The following RGL1 variants were observed in gnomAD, a reference collection of about 807,000 sequenced individuals.
The protein encoded by RGL1 is ral guanine nucleotide dissociation stimulator like 1.
RGL1 carries 24 observed loss-of-function variants against 95.2 expected under a neutral mutation model. The observed-to-expected ratio is 0.25, with a 90% CI of 0.18 to 0.35. RGL1 has a LOEUF of 0.35. RGL1 is among the 10% of genes least tolerant of loss of function. The pLI is 1.00. For missense variants in RGL1, 715 were observed against 936.3 expected (o/e 0.76, Z 3.08); for synonymous variants, 329 against 344.9 (o/e 0.95, Z 0.51).
chr1:183,905,112 C>T, intron 13 of RGL1, 141 bp downstream of exon 13: 4 of 998,644 alleles, frequency 4.0e-6, no homozygotes, highest in Non-Finnish European at 5.7e-6. Context: ...TTCAAAGGCG[C>T]ATGGTGTGGC....
Position 183,747,032 on chromosome 1 carries a change from C to T in RGL1, c.132+4743C>T, listed in dbSNP as rs537044661. On this transcript the variant is annotated intron_variant, in intron 2 of 18. Transcript: ENST00000304685. The stretch of plus-strand genomic sequence containing the variant: ...TGTATTCCATGGTGTATATGTGCCA[C>T]ATTTTCTTTTTCCAGTCTACCATTG... Among the ~76,000 whole-genome samples, 6 of 152,240 alleles carry T rather than the reference C, an allele frequency of 3.9e-5. No individual in the cohort carries two copies. In the East Asian group the frequency reaches 9.7e-4, roughly 24 times the overall value.
chr1:183,799,525 C>G (rs1449247747), intron 2 of RGL1, among the ~76,000 whole-genome samples: 1 of 152,106 alleles, frequency 6.6e-6, no homozygotes, highest in Non-Finnish European at 1.5e-5. Context: ...ATATCTCATT[C>G]TGGTTTTGTT....
intron 1 of RGL1, among the ~76,000 whole-genome samples, chr1:183,704,931 C>T (rs1572301215): frequency 6.6e-6 from 1 of 152,142 alleles, no homozygotes; most frequent in Admixed American, 6.5e-5. Flanking sequence ...TAGGCAACAA[C>T]CTGGAAGGTG....
upstream of RGL1, among the ~76,000 whole-genome samples, chr1:183,801,260 G>A (rs1660976530): frequency 6.6e-6 from 1 of 151,860 alleles, no homozygotes; most frequent in African/African-American, 2.4e-5. Flanking sequence ...TAGTGATGTT[G>A]AGCACTTTCT....
At chr1:183,812,984 T>C (rs1419473330) in intron 2 of RGL1, among the ~76,000 whole-genome samples, 1 of 152,106 alleles carries the variant, frequency 6.6e-6, no homozygotes, top group African/African-American at 2.4e-5. Context: ...AGCATAGTCA[T>C]TGAAGAGTTT....
At chr1:183,893,845 T>C (rs755757490) in intron 9 of RGL1, among the ~76,000 whole-genome samples, 2 of 152,214 alleles carry the variant, frequency 1.3e-5, no homozygotes, top group African/African-American at 2.4e-5. Context: ...TCACTTTGTA[T>C]CCCTAATGCC....
At chr1:183,666,170 T>C (rs1478037934) in intron 1 of RGL1, among the ~76,000 whole-genome samples, 1 of 151,968 alleles carries the variant, frequency 6.6e-6, no homozygotes, top group East Asian at 1.9e-4. Flanking sequence ...CACACTCGGC[T>C]AATTTTGTAT....
chr1:183,732,253 G>A (rs1181220373), intron 1 of RGL1, among the ~76,000 whole-genome samples: 1 of 152,086 alleles, frequency 6.6e-6, no homozygotes, highest in Non-Finnish European at 1.5e-5. Context: ...ATGGGAAATA[G>A]CAAGGTCAAT....
intron 1 of RGL1, among the ~76,000 whole-genome samples, chr1:183,658,121 C>T (rs1000738744): frequency 1.3e-5 from 2 of 152,326 alleles, no homozygotes; most frequent in South Asian, 2.1e-4. Context: ...CAGCTCCCAG[C>T]GTGAGCGACG....
intron 1 of RGL1, among the ~76,000 whole-genome samples, chr1:183,737,019 A>G (rs1419030968): frequency 6.6e-6 from 1 of 152,228 alleles, no homozygotes; most frequent in East Asian, 1.9e-4. Flanking sequence ...TATTTATTAT[A>G]AGAAGGAAAG....
intron 1 of RGL1, among the ~76,000 whole-genome samples, chr1:183,702,380 A>C (rs1654651098): frequency 1.3e-5 from 2 of 152,224 alleles, no homozygotes; most frequent in Non-Finnish European, 2.9e-5. Flanking sequence ...AAATAGTAGA[A>C]TATGTATTCC....
chr1:183,730,218 G>GTT (rs146889365), intron 1 of RGL1, among the ~76,000 whole-genome samples: 39 of 152,288 alleles, frequency 2.6e-4, no homozygotes, highest in Non-Finnish European at 5.0e-4. Context: ...TTTCTCCATA[G>GTT]TATAAAGCCT....
chr1:183,701,256 A>G (rs1468922638), intron 1 of RGL1, among the ~76,000 whole-genome samples: 1 of 152,202 alleles, frequency 6.6e-6, no homozygotes, highest in East Asian at 1.9e-4. Flanking sequence ...ACTTCCAACC[A>G]TTTGATGAAA....
In RGL1 at chr1:183,922,288, G is replaced by T. The variant is rs761502055; in HGVS notation, c.2071G>T (p.Asp691Tyr). 11 of 1,614,006 alleles carry T rather than the reference G, an allele frequency of 6.8e-6. No homozygotes were observed. In the East Asian group the frequency reaches 1.8e-4, roughly 26 times the overall value. ...CATGCTGAAGCACAATCTGGACTCAGACCCCGCCGAGGAGTACGAGCTGGT... is the reference window on the plus strand; with the variant it reads ...CATGCTGAAGCACAATCTGGACTCATACCCCGCCGAGGAGTACGAGCTGGT... Reference protein sequence around the residue: ...RAMLKHNLDSDPAEEYELVQV... With the variant: ...RAMLKHNLDSYPAEEYELVQV... Residue 691 changes from aspartate (D) to tyrosine (Y), a missense_variant, in exon 17 of 18, where the codon GAC (aspartate) becomes TAC (tyrosine). Physicochemically the swap from Asp to Tyr is radical, Grantham distance 160. Coordinates refer to ENST00000360851, the MANE Select transcript of RGL1 (RefSeq NM_001297671.3).
intron 1 of RGL1, among the ~76,000 whole-genome samples, chr1:183,680,876 C>T (rs1653165634): frequency 6.6e-6 from 1 of 152,126 alleles, no homozygotes; most frequent in East Asian, 1.9e-4. Flanking sequence ...TGTAGTTCTC[C>T]TTGAAGAGGT....
intron 4 of RGL1, among the ~76,000 whole-genome samples, chr1:183,867,047 A>G (rs74133009): frequency 0.013 from 2,039 of 152,346 alleles, 51 homozygotes; most frequent in African/African-American, 0.047. Flanking sequence ...TTATAAAATA[A>G]GGAAGATCGA....
At chr1:183,912,036 C>G in intron 14 of RGL1, 46 bp from the exon 15 acceptor site, 2 of 1,561,098 alleles carry the variant, frequency 1.3e-6, no homozygotes, top group Non-Finnish European at 1.8e-6. Flanking sequence ...ATCATGGATT[C>G]CAGATTTGTA....
intron 1 of RGL1, chr1:183,648,179 A>C (rs1413582181): frequency 6.2e-7 from 1 of 1,614,210 alleles, no homozygotes; most frequent in Non-Finnish European, 8.5e-7. Flanking sequence ...CACCACTTAT[A>C]AAGCTGTGGA....
At chr1:183,870,065 C>T (rs1640042557) in intron 4 of RGL1, among the ~76,000 whole-genome samples, 1 of 152,168 alleles carries the variant, frequency 6.6e-6, no homozygotes. Flanking sequence ...TTGGTTCGAA[C>T]CCTAAAAGCA....
Sources: allele counts gnomAD v4.1 joint callset (sites outside exome capture counted in the v4.1 genomes callset), GRCh38; gene constraint gnomAD v4.1.1; transcripts MANE v1.5; gene names NCBI Gene and HGNC (gene_info 2026-07-23, HGNC 2026-07-21).